Variants in TRMT2B observed in about 807,000 individuals in gnomAD.
TRMT2B encodes tRNA (uracil-5-)-methyltransferase homolog B.
A neutral mutation model predicts 39.7 loss-of-function variants in TRMT2B; 34 were observed. The observed-to-expected ratio is 0.86, with a 90% CI of 0.65 to 1.14. The LOEUF (loss-of-function observed/expected upper bound fraction) is 1.14. Among genes scored for constraint, TRMT2B ranks in the 50% most tolerant of loss-of-function variants. The pLI is 0.00. For missense variants in TRMT2B, 318 were observed against 377.2 expected (o/e 0.84, Z 1.30); for synonymous variants, 132 against 137.3 (o/e 0.96, Z 0.27).
chrX:100,988,352 C>T, the TRMT2B span: 1 of 1,204,310 alleles, frequency 8.3e-7, no homozygotes, highest in African/African-American at 1.8e-5. Context: ...ACTAACTTTC[C>T]CCCCCATCAT....
At chrX:101,012,500 G>A (rs1300504900) in intron 13 of TRMT2B, among the ~76,000 whole-genome samples, 2 of 81,595 alleles carry the variant, frequency 2.5e-5, no homozygotes, top group Non-Finnish European at 4.4e-5. Context: ...AGTCCCCAGA[G>A]TGTGATGGTC....
intron 2 of TRMT2B, among the ~76,000 whole-genome samples, chrX:101,044,716 T>C (rs750864994): frequency 5.5e-5 from 6 of 109,830 alleles, no homozygotes; most frequent in Middle Eastern, 4.7e-3. Context: ...GGCATGCACC[T>C]GTAGTCCCAG....
chrX:100,994,541 G>A, the TRMT2B span, among the ~76,000 whole-genome samples: 1 of 111,526 alleles, frequency 9.0e-6, no homozygotes, highest in Non-Finnish European at 1.9e-5. Flanking sequence ...CTGCACTCCA[G>A]TCCTCACTTG....
intron 7 of TRMT2B, among the ~76,000 whole-genome samples, chrX:101,028,417 C>T (rs2087250699): frequency 9.0e-6 from 1 of 111,172 alleles, no homozygotes; most frequent in Admixed American, 9.7e-5. Flanking sequence ...CTGCGCCCAG[C>T]CACTTCTCTC....
intron 13 of TRMT2B, among the ~76,000 whole-genome samples, chrX:101,014,175 G>A (rs55770469): frequency 0.19 from 21,160 of 111,683 alleles, 1,574 homozygotes; most frequent in Non-Finnish European, 0.21. Flanking sequence ...ACACACGTAC[G>A]TGTGCACACA....
At chrX:100,981,503 G>A in the TRMT2B span, among the ~76,000 whole-genome samples, 1 of 109,890 alleles carries the variant, frequency 9.1e-6, no homozygotes, top group South Asian at 4.0e-4. Context: ...CTCTTTCCTT[G>A]ACATGATGTT....
the TRMT2B span, chrX:100,986,052 C>A: frequency 9.2e-6 from 7 of 762,498 alleles, no homozygotes; most frequent in Non-Finnish European, 1.3e-5. Flanking sequence ...GGTAGAGCGG[C>A]CCAATTTTCT....
chrX:101,037,302 A>G lies in TRMT2B; in HGVS notation c.439-229T>C. 7 of 385,683 alleles carry G rather than the reference A, an allele frequency of 1.8e-5. No homozygotes were observed. In the South Asian group the frequency reaches 2.9e-4, roughly 16 times the overall value. 31.8% of individuals were successfully genotyped at this position (385,683 alleles called of 1,213,427 possible). ...ACAAACTACTTATGTCAAGAGCCAAAGAGTAAATAATTTAGGGCTTTGCAG... is the reference window on the plus strand; with the variant it reads ...ACAAACTACTTATGTCAAGAGCCAAGGAGTAAATAATTTAGGGCTTTGCAG... On this transcript the variant is annotated intron_variant, in intron 5 of 13. Transcript: ENST00000372936.
the TRMT2B span, chrX:100,987,545 C>G: frequency 5.0e-6 from 6 of 1,210,545 alleles, no homozygotes; most frequent in South Asian, 8.8e-5. Context: ...GAGAAAGATG[C>G]TCATCACACA....
chrX:100,997,179 T>C, the TRMT2B span, among the ~76,000 whole-genome samples: 1 of 111,971 alleles, frequency 8.9e-6, no homozygotes, highest in South Asian at 3.7e-4. Context: ...CTTAACACCT[T>C]TCCAGACCTG....
rs148846843 is a variant in TRMT2B at position 101,024,594 on chromosome X, C to T, written c.610-978G>A. ...TTCCCAGCACTTTGGGAGGCCAAGG[C>T]GGGTGGATCACTTTGAGGTCAGGAG... On this transcript the variant is annotated intron_variant, in intron 7 of 13. Coordinates refer to ENST00000372936, the MANE Select transcript of TRMT2B (RefSeq NM_024917.6). Among the ~76,000 whole-genome samples, 262 of 111,219 alleles carry T rather than the reference C, an allele frequency of 2.4e-3. 2 individuals are homozygous for T. Among genetic ancestry groups the T allele is most frequent in the African/African-American group, 7.9e-3 (241 of 30,634 alleles).
the TRMT2B span, chrX:100,988,103 T>C: frequency 1.4e-6 from 1 of 699,784 alleles, no homozygotes; most frequent in South Asian, 2.7e-5. Flanking sequence ...CCCAAAGGCA[T>C]ATGGCAGGGA....
intron 4 of TRMT2B, among the ~76,000 whole-genome samples, chrX:101,040,240 GCTGAGATCACACCA>G (rs1338781640): frequency 2.8e-5 from 3 of 108,110 alleles, no homozygotes; most frequent in Non-Finnish European, 5.7e-5. Flanking sequence ...GTTGCAGTGA[GCTGAGATCACACCA>G]CTGCACTCCA....
chrX:101,007,002 C>T (rs1463191276), downstream of TRMT2B, among the ~76,000 whole-genome samples: 2 of 111,551 alleles, frequency 1.8e-5, no homozygotes, highest in Non-Finnish European at 3.8e-5. Flanking sequence ...GAGATATTCA[C>T]TTTGTTGTGG....
chrX:101,046,197 A>G (rs979912254), intron 2 of TRMT2B, among the ~76,000 whole-genome samples: 1 of 110,275 alleles, frequency 9.1e-6, no homozygotes, highest in African/African-American at 3.3e-5. Context: ...AATTTTCTTT[A>G]AAGTACCTTG....
chrX:101,038,173 G>T, intron 4 of TRMT2B, 122 bp from the exon 5 acceptor site: 1 of 556,708 alleles, frequency 1.8e-6, no homozygotes, highest in Non-Finnish European at 2.9e-6. Flanking sequence ...TTCGAGACCA[G>T]CCTGACCAAC....
At chrX:101,041,991 A>G in intron 3 of TRMT2B, 51 bp downstream of exon 3, 1 of 1,177,991 alleles carries the variant, frequency 8.5e-7, no homozygotes, top group Non-Finnish European at 1.1e-6. Flanking sequence ...ATTTCAGCAG[A>G]TGTACAGATT....
chrX:101,010,775 T>C (rs779364094), intron 13 of TRMT2B, 68 bp from the exon 14 acceptor site: 22 of 1,095,189 alleles, frequency 2.0e-5, no homozygotes, highest in Non-Finnish European at 2.7e-5. Flanking sequence ...TACAATTGCC[T>C]AAAATAGAGG....
At chrX:101,016,481 A>AT (rs57781020) in intron 13 of TRMT2B, among the ~76,000 whole-genome samples, 4,199 of 100,569 alleles carry the variant, frequency 0.042, 258 homozygotes, top group African/African-American at 0.14. Context: ...TTAAATTTTG[A>AT]TTTTTTTTTT....
Sources: gnomAD v4.1 joint callset for allele counts (sites outside exome capture counted in the v4.1 genomes callset) on GRCh38, gnomAD v4.1.1 for gene constraint, MANE v1.5 for transcripts, NCBI Gene and HGNC (gene_info 2026-07-23, HGNC 2026-07-21) for gene names.